Variants in HTT-AS observed in about 807,000 individuals in gnomAD.
HTT-AS encodes HTT antisense RNA (head to head).
rs185779465 is a variant in HTT-AS at position 3,057,173 on chromosome 4, A to G, written n.1380+5261T>C. Among the ~76,000 whole-genome samples, 258 of 152,166 alleles carry G rather than the reference A, an allele frequency of 1.7e-3. 2 individuals are homozygous for G. The highest frequency in any genetic ancestry group is 3.5e-3 in the Admixed American group (53 of 15,290). ...CTCAGCCTCCCGAGTAGCTGGGACT[A>G]CAGGCGCCTGCCACCAAGCCCAGCT... On this transcript the variant is annotated intron_variant and non_coding_transcript_variant, in intron 2 of 2. Coordinates refer to ENST00000664062, the Ensembl canonical transcript of HTT-AS.
At chr4:3,061,472 G>C (rs1166868839) in intron 2 of HTT-AS, among the ~76,000 whole-genome samples, 1 of 151,776 alleles carries the variant, frequency 6.6e-6, no homozygotes. Context: ...CCTGAGGTCA[G>C]GAGTTTGAGA....
At chr4:3,048,134 A>G (rs1206021057), downstream of HTT-AS, among the ~76,000 whole-genome samples, 1 of 151,650 alleles carries the variant, frequency 6.6e-6, no homozygotes, top group African/African-American at 2.4e-5. Flanking sequence ...CTTTTCTTCT[A>G]TCTCTTTGTC....
intron 1 of HTT-AS, among the ~76,000 whole-genome samples, chr4:3,074,110 G>C (rs1266848640): frequency 8.6e-6 from 1 of 116,928 alleles, no homozygotes; most frequent in African/African-American, 3.4e-5. Context: ...TCACCTTCCT[G>C]CCCCGCCCCC....
At chr4:3,051,211 A>C (rs952995265) in intron 2 of HTT-AS, among the ~76,000 whole-genome samples, 3 of 152,080 alleles carry the variant, frequency 2.0e-5, no homozygotes, top group Non-Finnish European at 2.9e-5. Flanking sequence ...GATTACAGGC[A>C]TGTGCCACCA....
chr4:3,053,725 T>C (rs111830027), intron 2 of HTT-AS, among the ~76,000 whole-genome samples: 2 of 151,920 alleles, frequency 1.3e-5, no homozygotes, highest in Non-Finnish European at 2.9e-5. Flanking sequence ...TTGGCCTAAA[T>C]TAGGCAGGTT....
chr4:3,067,231 T>C (rs1473468577), intron 1 of HTT-AS, among the ~76,000 whole-genome samples: 1 of 151,988 alleles, frequency 6.6e-6, no homozygotes, highest in Non-Finnish European at 1.5e-5. Flanking sequence ...AGAAAGGATA[T>C]GGTGAGAGGA....
intron 2 of HTT-AS, among the ~76,000 whole-genome samples, chr4:3,060,479 T>C (rs1193932870): frequency 6.6e-6 from 1 of 152,216 alleles, no homozygotes; most frequent in African/African-American, 2.4e-5. Context: ...AAGTTTATTT[T>C]GCCAAGGTTG....
At chr4:3,070,766 C>T (rs1712158051) in intron 1 of HTT-AS, among the ~76,000 whole-genome samples, 1 of 152,192 alleles carries the variant, frequency 6.6e-6, no homozygotes, top group South Asian at 2.1e-4. Context: ...AACTCAGCTC[C>T]TTCTGCCCAG....
At chr4:3,065,343 C>T (rs931681339) in intron 1 of HTT-AS, among the ~76,000 whole-genome samples, 6 of 151,960 alleles carry the variant, frequency 3.9e-5, no homozygotes, top group East Asian at 1.9e-4. Flanking sequence ...CAGGTTCAAG[C>T]GATTCTCCTG....
At chr4:3,067,102 C>T (rs1443653540) in intron 1 of HTT-AS, among the ~76,000 whole-genome samples, 1 of 152,132 alleles carries the variant, frequency 6.6e-6, no homozygotes. Context: ...AATTCCAGAA[C>T]TTAATGGTAA....
chr4:3,070,496 G>A (rs1363141620), intron 1 of HTT-AS, among the ~76,000 whole-genome samples: 1 of 152,100 alleles, frequency 6.6e-6, no homozygotes, highest in African/African-American at 2.4e-5. Context: ...TCATCTTGTT[G>A]GTCAGGCGGA....
downstream of HTT-AS, among the ~76,000 whole-genome samples, chr4:3,048,555 A>G (rs1711643567): frequency 6.6e-6 from 1 of 152,222 alleles, no homozygotes; most frequent in Non-Finnish European, 1.5e-5. Context: ...AATGAGCTAG[A>G]TAAGAGGCTA....
At chr4:3,069,312 A>AT (rs566283289) in intron 1 of HTT-AS, among the ~76,000 whole-genome samples, 13,767 of 143,670 alleles carry the variant, frequency 0.096, 1,000 homozygotes, top group African/African-American at 0.21. Flanking sequence ...CACCTGGCTA[A>AT]TTTTTTTTTT....
At chr4:3,054,656 T>C (rs1711773288) in intron 2 of HTT-AS, among the ~76,000 whole-genome samples, 1 of 152,152 alleles carries the variant, frequency 6.6e-6, no homozygotes, top group South Asian at 2.1e-4. Context: ...TAAAGGAGTA[T>C]TATTCATTTT....
rs572699479 is a variant in HTT-AS, at chr4:3,051,628, G to C, written n.1381-1930C>G. 1.2e-4 allele frequency among the ~76,000 whole-genome samples: 18 copies of C among 146,002 alleles called. No homozygotes were observed. The South Asian group carries it at 1.9e-3, about 15-fold the overall frequency. On this transcript the variant is annotated intron_variant and non_coding_transcript_variant, in intron 2 of 2. Transcript: ENST00000664062. ...TCAGATTTCTGACCTCTCTCTCTCT[G>C]TGTGTTCAAACTGGTTGAATGAATT...
intron 2 of HTT-AS, among the ~76,000 whole-genome samples, chr4:3,060,734 C>T (rs1711908364): frequency 6.6e-6 from 1 of 152,252 alleles, no homozygotes; most frequent in Admixed American, 6.5e-5. Context: ...GCAGATCCAA[C>T]ATGGCGGCTC....
At chr4:3,072,358 CAAG>C (rs1433275298) in intron 1 of HTT-AS, among the ~76,000 whole-genome samples, 1 of 152,232 alleles carries the variant, frequency 6.6e-6, no homozygotes, top group Non-Finnish European at 1.5e-5. Context: ...GCATCCATGC[CAAG>C]AAGGCAACAG....
downstream of HTT-AS, among the ~76,000 whole-genome samples, chr4:3,047,518 G>A (rs1175743718): frequency 6.6e-6 from 1 of 152,224 alleles, no homozygotes; most frequent in African/African-American, 2.4e-5. Context: ...AGGGTGAGAA[G>A]TGACCAGAAG....
downstream of HTT-AS, among the ~76,000 whole-genome samples, chr4:3,048,107 C>A (rs112351628): frequency 6.6e-6 from 1 of 152,120 alleles, no homozygotes; most frequent in African/African-American, 2.4e-5. Context: ...TGGTAGTGGT[C>A]CCCTGGGCCC....
Sources: gnomAD v4.1 joint callset for allele counts (sites outside exome capture counted in the v4.1 genomes callset) on GRCh38, gnomAD v4.1.1 for gene constraint, MANE v1.5 for transcripts, NCBI Gene and HGNC (gene_info 2026-07-23, HGNC 2026-07-21) for gene names.